PDE4B: variants seen among roughly 807,000 people sequenced by gnomAD.
PDE4B encodes the protein 3',5'-cyclic-AMP phosphodiesterase 4B.
PDE4B carries 20 observed loss-of-function variants against 82.2 expected under a neutral mutation model. That is an observed-to-expected ratio of 0.24 (90% CI 0.17 to 0.35). The LOEUF (loss-of-function observed/expected upper bound fraction) is 0.35. PDE4B is among the 10% of genes least tolerant of loss of function. PDE4B has a pLI of 1.00. For synonymous variants in PDE4B, 320 were observed against 318.9 expected (o/e 1.00, Z -0.04); for missense variants, 655 against 907.2 (o/e 0.72, Z 3.57).
chr1:66,092,622 A>G (rs1351490447), intron 3 of PDE4B, among the ~76,000 whole-genome samples: 2 of 152,092 alleles, frequency 1.3e-5, no homozygotes, highest in Non-Finnish European at 2.9e-5. Flanking sequence ...AAGACAAGAT[A>G]CTGTAAACAC....
intron 3 of PDE4B, among the ~76,000 whole-genome samples, chr1:66,138,388 G>A (rs994613425): frequency 2.6e-5 from 4 of 152,022 alleles, no homozygotes; most frequent in South Asian, 2.1e-4. Context: ...GCATGGTGGC[G>A]GGCACCTGTA....
rs943325139 is a variant in PDE4B at position 65,989,526 on chromosome 1, A to G, written c.281+70691A>G. Among the ~76,000 whole-genome samples the G allele has an allele frequency of 3.9e-5, 6 of 152,176 alleles. 1 individual carries two copies. Among genetic ancestry groups the G allele is most frequent in the Non-Finnish European group, 8.8e-5 (6 of 68,018 alleles). On this transcript the variant is annotated intron_variant, in intron 3 of 16. Transcript: ENST00000341517. ...TAAAATAAAATGTAATTGAGTTATA[A>G]AAAATAAATAAACCTGAGACATACC...
At chr1:66,091,979 G>T (rs1645034737) in intron 3 of PDE4B, among the ~76,000 whole-genome samples, 1 of 151,980 alleles carries the variant, frequency 6.6e-6, no homozygotes, top group Non-Finnish European at 1.5e-5. Flanking sequence ...ACAATTAAGA[G>T]TAAAATTTGT....
intron 9 of PDE4B, among the ~76,000 whole-genome samples, chr1:66,357,428 T>G (rs895562872): frequency 1.3e-5 from 2 of 151,954 alleles, no homozygotes; most frequent in African/African-American, 4.8e-5. Context: ...AAAGAAAAAT[T>G]TAAAAAGATG....
intron 3 of PDE4B, among the ~76,000 whole-genome samples, chr1:66,182,883 G>GA (rs1345197507): frequency 1.3e-5 from 2 of 152,148 alleles, no homozygotes; most frequent in Admixed American, 6.5e-5. Flanking sequence ...TTTAAAAAGA[G>GA]AAAAAAATAT....
At chr1:65,919,219 C>T (rs1282446524) in intron 3 of PDE4B, among the ~76,000 whole-genome samples, 4 of 152,202 alleles carry the variant, frequency 2.6e-5, no homozygotes, top group Non-Finnish European at 5.9e-5. Flanking sequence ...TATTGCTGAA[C>T]TCTACACTTC....
At chr1:66,196,508 G>T (rs902194674) in intron 3 of PDE4B, among the ~76,000 whole-genome samples, 1 of 152,142 alleles carries the variant, frequency 6.6e-6, no homozygotes, top group South Asian at 2.1e-4. Context: ...GAAAACATCA[G>T]TTGCCCCACT....
Position 66,152,367 on chromosome 1 carries a change from G to T in PDE4B, c.282-95093G>T, listed in dbSNP as rs181991614. The T allele has an allele frequency of 7.1e-5, 12 of 168,018 alleles. No individual in the cohort carries two copies. In the East Asian group the frequency reaches 1.8e-3, roughly 25 times the overall value. 10.4% of individuals were successfully genotyped at this position (168,018 alleles called of 1,614,324 possible). A position where few individuals can be genotyped will look rare whatever the true frequency, so the allele number is the denominator to read the frequency against. ...CCCCAAAGACAGGAGAAGATTTAATGTTTCTTAAATTCTCCCTCTGTCACA... is the reference window on the plus strand; with the variant it reads ...CCCCAAAGACAGGAGAAGATTTAATTTTTCTTAAATTCTCCCTCTGTCACA... On this transcript the variant is annotated intron_variant, in intron 3 of 16. Coordinates refer to ENST00000341517, the MANE Select transcript of PDE4B (RefSeq NM_002600.4).
At chr1:66,358,759 A>G (rs574424408) in intron 9 of PDE4B, among the ~76,000 whole-genome samples, 1 of 152,302 alleles carries the variant, frequency 6.6e-6, no homozygotes, top group East Asian at 1.9e-4. Context: ...AGTGAGCACA[A>G]AATAAGAAGA....
At chr1:66,318,483 G>A (rs990306612) in intron 7 of PDE4B, among the ~76,000 whole-genome samples, 2 of 152,122 alleles carry the variant, frequency 1.3e-5, no homozygotes, top group African/African-American at 2.4e-5. Context: ...CTAAGTCTGT[G>A]ATTCTGGAAA....
intron 1 of PDE4B, among the ~76,000 whole-genome samples, chr1:65,887,333 CT>C (rs1425935782): frequency 1.6e-5 from 1 of 63,096 alleles, no homozygotes; most frequent in African/African-American, 6.6e-5. Context: ...TCCTTCTTTT[CT>C]TTCATTTTCT....
At chr1:66,005,991 C>T (rs773745275) in intron 3 of PDE4B, among the ~76,000 whole-genome samples, 35 of 152,066 alleles carry the variant, frequency 2.3e-4, no homozygotes, top group Non-Finnish European at 4.1e-4. Flanking sequence ...CCAGTGTTCA[C>T]GGAATGCTCT....
At chr1:66,107,250 G>A (rs954342763) in intron 3 of PDE4B, among the ~76,000 whole-genome samples, 3 of 152,064 alleles carry the variant, frequency 2.0e-5, no homozygotes, top group African/African-American at 7.2e-5. Context: ...GAGCGGTTTT[G>A]AGTGAGTTTC....
chr1:66,095,109 C>T (rs961915847), intron 3 of PDE4B, among the ~76,000 whole-genome samples: 11 of 151,914 alleles, frequency 7.2e-5, no homozygotes, highest in Non-Finnish European at 1.3e-4. Flanking sequence ...TTCTGTGCTA[C>T]AAGCATCATT....
intron 1 of PDE4B, among the ~76,000 whole-genome samples, chr1:65,828,475 A>G (rs929232276): frequency 1.3e-5 from 2 of 152,082 alleles, no homozygotes; most frequent in African/African-American, 4.8e-5. Context: ...TGAACTCCTG[A>G]CCTCAAATGA....
chr1:66,163,046 A>G (rs1391059931), intron 3 of PDE4B, among the ~76,000 whole-genome samples: 4 of 152,104 alleles, frequency 2.6e-5, no homozygotes, highest in African/African-American at 7.2e-5. Flanking sequence ...ATCCTTCTAG[A>G]TTTGTCATAA....
intron 3 of PDE4B, among the ~76,000 whole-genome samples, chr1:65,999,159 C>T (rs1222075905): frequency 1.3e-5 from 2 of 152,164 alleles, no homozygotes; most frequent in Non-Finnish European, 1.5e-5. Context: ...AAAGGCTAAA[C>T]CCATTTTGCT....
intron 7 of PDE4B, among the ~76,000 whole-genome samples, chr1:66,299,558 AT>A (rs1268803549): frequency 6.6e-6 from 1 of 152,114 alleles, no homozygotes; most frequent in African/African-American, 2.4e-5. Context: ...ACATTGATTT[AT>A]TTTCCCTTGG....
chr1:66,232,448 T>C (rs1158672294), intron 3 of PDE4B, among the ~76,000 whole-genome samples: 1 of 152,232 alleles, frequency 6.6e-6, no homozygotes, highest in Non-Finnish European at 1.5e-5. Flanking sequence ...ATAGTTTTTC[T>C]GTAGTTCTCA....
Sources: gnomAD v4.1 joint callset for allele counts (sites outside exome capture counted in the v4.1 genomes callset) on GRCh38, gnomAD v4.1.1 for gene constraint, MANE v1.5 for transcripts, NCBI Gene and HGNC (gene_info 2026-07-23, HGNC 2026-07-21) for gene names.